DNAAF9: variants seen among roughly 807,000 people sequenced by gnomAD.
The protein encoded by DNAAF9 is shulin.
A neutral mutation model predicts 167.0 loss-of-function variants in DNAAF9; 90 were observed. The ratio of observed to expected loss-of-function variants is 0.54; its 90% CI spans 0.45 to 0.64. DNAAF9 has a LOEUF of 0.64. Ranked by LOEUF, DNAAF9 falls within the 30% of genes least tolerant of loss-of-function variation. The pLI is 0.00. For missense variants in DNAAF9, 1,315 were observed against 1,442.2 expected (o/e 0.91, Z 1.43); for synonymous variants, 491 against 508.8 (o/e 0.96, Z 0.47).
At chr20:3,367,128 G>T (rs970037586) in intron 6 of DNAAF9, among the ~76,000 whole-genome samples, 1 of 152,144 alleles carries the variant, frequency 6.6e-6, no homozygotes, top group African/African-American at 2.4e-5. Context: ...GCACTTTTAT[G>T]TTTTAGAGAC....
In DNAAF9 at chr20:3,314,679, T is replaced by A. The variant is rs879419579; in HGVS notation, c.1678+354A>T. On this transcript the variant is annotated intron_variant, in intron 20 of 36. Coordinates refer to ENST00000252032, the MANE Select transcript of DNAAF9 (RefSeq NM_001009984.3). ...GAACTGTGAGATAATAAGAGGGTGT[T>A]GTTTTAAGCTACTAAATTTGTGGTC... is the stretch of plus-strand genomic sequence containing the variant. 1.4e-4 allele frequency among the ~76,000 whole-genome samples: 21 copies of A among 152,318 alleles called. No homozygotes were observed. In the East Asian group the frequency reaches 3.7e-3, roughly 27 times the overall value.
intron 1 of DNAAF9, among the ~76,000 whole-genome samples, chr20:3,393,813 C>T (rs2083862190): frequency 6.6e-6 from 1 of 152,162 alleles, no homozygotes; most frequent in Non-Finnish European, 1.5e-5. Context: ...GCCAGAGTAC[C>T]TGTTTCCCAC....
In DNAAF9 at chr20:3,404,337, G is replaced by A. The variant is rs118133544; in HGVS notation, c.83+3138C>T. 3.8e-3 allele frequency among the ~76,000 whole-genome samples: 575 copies of A among 152,192 alleles called. 25 individuals carry two copies. In the East Asian group the frequency reaches 0.098, roughly 26 times the overall value. ...AGGCGTGAGCCACCGTGCCCAGCCT[G>A]ATTACTAGTTCTCATCACACTGTCA... On this transcript the variant is annotated intron_variant, in intron 1 of 36. Transcript: ENST00000252032.
At chr20:3,379,049 C>T (rs899197010) in intron 3 of DNAAF9, among the ~76,000 whole-genome samples, 13 of 151,760 alleles carry the variant, frequency 8.6e-5, no homozygotes, top group South Asian at 2.1e-4. Flanking sequence ...CTGAGTCATT[C>T]GTAGACCACC....
chr20:3,394,231 G>A (rs754678209), intron 1 of DNAAF9, among the ~76,000 whole-genome samples: 5 of 151,842 alleles, frequency 3.3e-5, no homozygotes, highest in East Asian at 1.9e-4. Context: ...ACAGCTACTC[G>A]GGAGGCTGAG....
At chr20:3,391,922 T>A (rs936701529) in intron 1 of DNAAF9, among the ~76,000 whole-genome samples, 3 of 152,142 alleles carry the variant, frequency 2.0e-5, no homozygotes, top group Non-Finnish European at 4.4e-5. Flanking sequence ...GCGGGCACAG[T>A]GGCTCATGTC....
At chr20:3,373,887 T>C (rs1489437094) in intron 6 of DNAAF9, among the ~76,000 whole-genome samples, 161 bp downstream of exon 6, 1 of 152,188 alleles carries the variant, frequency 6.6e-6, no homozygotes, top group Non-Finnish European at 1.5e-5. Flanking sequence ...GACTAGCCTT[T>C]AGCAGCAACT....
intron 14 of DNAAF9, among the ~76,000 whole-genome samples, chr20:3,324,412 T>C (rs1275454201): frequency 1.3e-5 from 2 of 151,900 alleles, no homozygotes; most frequent in Non-Finnish European, 1.5e-5. Flanking sequence ...CACCGTGACA[T>C]GCTGGGAGAT....
rs1195991803 is a variant in DNAAF9 at position 3,255,279 on chromosome 20, A to G, written c.3267T>C (p.Pro1089=). 2.6e-6 allele frequency: 4 copies of G among 1,548,386 alleles called. No homozygotes were observed. Among genetic ancestry groups the G allele is most frequent in the Non-Finnish European group, 3.5e-6 (4 of 1,144,334 alleles). The change falls in exon 35 of 37, where the codon CCT becomes CCC. Residue 1089 remains proline, a synonymous_variant. Transcript: ENST00000252032. Reference sequence around the variant, plus strand: ...CCCTGGTCTTCAGGGCTTTCCTCTGAGGCTTCTGCAGAGATGGGGAGTGGA... The same window carrying G: ...CCCTGGTCTTCAGGGCTTTCCTCTGGGGCTTCTGCAGAGATGGGGAGTGGA... ...DWLRQSAKQK[P]QRKALKTRGM...
chr20:3,384,695 A>G (rs891379828), intron 1 of DNAAF9, among the ~76,000 whole-genome samples: 4 of 152,052 alleles, frequency 2.6e-5, no homozygotes, highest in African/African-American at 9.7e-5. Context: ...AATTAAATGT[A>G]AACACCCTTA....
rs2069483683 is a variant in DNAAF9 at position 3,315,311 on chromosome 20, G to C, written c.1591-191C>G. 6.6e-6 allele frequency among the ~76,000 whole-genome samples: 1 copy of C among 152,148 alleles called. No individual in the cohort carries two copies. The highest frequency in any genetic ancestry group is 6.6e-5 in the Admixed American group (1 of 15,254). Reference sequence around the variant, plus strand: ...TGGCAGTTACTGGCATCCTTGATTTGTGCTGAGAAAAAGAACATTAAGATT... The same window carrying C: ...TGGCAGTTACTGGCATCCTTGATTTCTGCTGAGAAAAAGAACATTAAGATT... On this transcript the variant is annotated intron_variant, in intron 19 of 36. Coordinates refer to ENST00000252032, the MANE Select transcript of DNAAF9 (RefSeq NM_001009984.3). This position sits in a 1 kb window ranked among gnomAD's most constrained non-coding sequence, Gnocchi z 4.1.
chr20:3,379,457 G>T (rs1018759380), intron 3 of DNAAF9, among the ~76,000 whole-genome samples: 1 of 152,080 alleles, frequency 6.6e-6, no homozygotes, highest in African/African-American at 2.4e-5. Context: ...AGCCAGGCAT[G>T]GTGGCGGGTG....
chr20:3,333,166 C>A (rs761750051), intron 10 of DNAAF9, among the ~76,000 whole-genome samples: 4 of 152,124 alleles, frequency 2.6e-5, no homozygotes, highest in Non-Finnish European at 4.4e-5. Context: ...TCCCCACAAC[C>A]ATTTGTATTT....
intron 33 of DNAAF9, 138 bp from the exon 34 acceptor site, chr20:3,256,349 T>A: frequency 1.5e-6 from 1 of 674,530 alleles, no homozygotes; most frequent in Non-Finnish European, 2.6e-6. Flanking sequence ...TGGTGGCAGC[T>A]TAGAAAGGAT....
chr20:3,298,721 T>C (rs2069127933), intron 21 of DNAAF9, among the ~76,000 whole-genome samples: 1 of 152,228 alleles, frequency 6.6e-6, no homozygotes, highest in South Asian at 2.1e-4. Flanking sequence ...TTCTGAGGAC[T>C]GTCTTTTCAC....
At chr20:3,406,437 T>G (rs958238844) in intron 1 of DNAAF9, among the ~76,000 whole-genome samples, 1 of 152,186 alleles carries the variant, frequency 6.6e-6, no homozygotes, top group Non-Finnish European at 1.5e-5. Context: ...AATGACAGTT[T>G]AGCAGTACCA....
chr20:3,331,200 C>G (rs757619801), intron 11 of DNAAF9, among the ~76,000 whole-genome samples: 1 of 152,202 alleles, frequency 6.6e-6, no homozygotes, highest in Non-Finnish European at 1.5e-5. Context: ...TTACAACCCA[C>G]TCAGCAACAC....
At chr20:3,256,829 C>A (rs184747349) in intron 33 of DNAAF9, among the ~76,000 whole-genome samples, 3 of 152,144 alleles carry the variant, frequency 2.0e-5, no homozygotes, top group African/African-American at 7.2e-5. Flanking sequence ...GGGCTCTCAG[C>A]AGAGGCCTCA....
At chr20:3,310,642 G>A (rs992221494) in intron 20 of DNAAF9, among the ~76,000 whole-genome samples, 13 of 151,042 alleles carry the variant, frequency 8.6e-5, no homozygotes, top group South Asian at 4.2e-4. Context: ...CTGAGATTGC[G>A]CCACTGCACT....
Sources: allele counts gnomAD v4.1 joint callset (sites outside exome capture counted in the v4.1 genomes callset), GRCh38; gene constraint gnomAD v4.1.1; non-coding constraint Gnocchi (gnomAD v3.1); transcripts MANE v1.5; gene names NCBI Gene and HGNC (gene_info 2026-07-23, HGNC 2026-07-21).